The following DIAPH2 variants were observed in gnomAD, a reference collection of about 807,000 sequenced individuals.
DIAPH2 encodes the protein protein diaphanous homolog 2.
DIAPH2 carries 35 observed loss-of-function variants against 92.7 expected under a neutral mutation model. The ratio of observed to expected loss-of-function variants is 0.38; its 90% CI spans 0.29 to 0.50. The LOEUF (loss-of-function observed/expected upper bound fraction) is 0.50, where lower values mean the gene tolerates loss of function less well. Ranked by LOEUF, DIAPH2 falls within the 20% of genes least tolerant of loss-of-function variation. The pLI is 0.94. For synonymous variants in DIAPH2, 301 were observed against 280.4 expected, an observed-to-expected ratio of 1.07 and a Z score of -0.73; for missense variants, 701 against 819.5, an observed-to-expected ratio of 0.86 and a Z score of 1.77.
intron 5 of DIAPH2, among the ~76,000 whole-genome samples, chrX:96,910,223 C>T (rs1377758912): frequency 9.0e-6 from 1 of 110,723 alleles, no homozygotes; most frequent in Non-Finnish European, 1.9e-5. Flanking sequence ...CACTGATTAT[C>T]GAGGCTTTAG....
intron 26 of DIAPH2, among the ~76,000 whole-genome samples, chrX:97,564,137 A>T (rs1476329996): frequency 8.9e-6 from 1 of 112,166 alleles, no homozygotes; most frequent in Non-Finnish European, 1.9e-5. Flanking sequence ...TTGAGTGAGA[A>T]GCTTCAAAGA....
chrX:97,477,511 A>G (rs766283581), intron 26 of DIAPH2, among the ~76,000 whole-genome samples: 39 of 111,261 alleles, frequency 3.5e-4, no homozygotes, highest in African/African-American at 1.2e-3. Context: ...AGGCTGAGGC[A>G]GGAGAATGGC....
chrX:97,463,480 T>G (rs1053638097), intron 26 of DIAPH2, among the ~76,000 whole-genome samples: 2 of 109,734 alleles, frequency 1.8e-5, no homozygotes, highest in African/African-American at 6.6e-5. Flanking sequence ...AACCTCTGCC[T>G]CCCGGGTTCA....
intron 7 of DIAPH2, among the ~76,000 whole-genome samples, chrX:96,913,400 A>T: frequency 8.9e-6 from 1 of 111,920 alleles, no homozygotes; most frequent in Non-Finnish European, 1.9e-5. Context: ...TGTTCAGTTT[A>T]CAAAAGGGTC....
At chrX:97,320,710 G>A (rs1229237488) in intron 23 of DIAPH2, among the ~76,000 whole-genome samples, 94 of 45,056 alleles carry the variant, frequency 2.1e-3, no homozygotes, top group Admixed American at 9.8e-3. Context: ...GCGAGACTCC[G>A]TCTCAAAAAA....
chrX:97,363,957 C>T (rs901961636), intron 24 of DIAPH2, among the ~76,000 whole-genome samples: 1 of 111,858 alleles, frequency 8.9e-6, no homozygotes, highest in Admixed American at 9.5e-5. Flanking sequence ...CAACTGTCAG[C>T]TAGTTGATCT....
chrX:97,031,258 A>G (rs915567982), intron 17 of DIAPH2, among the ~76,000 whole-genome samples: 1 of 103,859 alleles, frequency 9.6e-6, no homozygotes, highest in Non-Finnish European at 2.0e-5. Flanking sequence ...TTGGAGCCTG[A>G]CAAGAGGTCT....
At chrX:97,120,614 GTTTTTTT>G (rs139009030) in intron 21 of DIAPH2, among the ~76,000 whole-genome samples, 82 of 75,825 alleles carry the variant, frequency 1.1e-3, no homozygotes, top group Admixed American at 4.4e-3. Flanking sequence ...TTTTTTGTGG[GTTTTTTT>G]TTTTTTTTTT....
At chrX:96,760,520 A>C (rs1336935304) in intron 4 of DIAPH2, among the ~76,000 whole-genome samples, 20 of 111,107 alleles carry the variant, frequency 1.8e-4, no homozygotes, top group Non-Finnish European at 3.8e-4. Flanking sequence ...AGTGAAATTT[A>C]AACGTAAATC....
At chrX:97,105,088 A>G (rs906537327) in intron 20 of DIAPH2, among the ~76,000 whole-genome samples, 1 of 111,583 alleles carries the variant, frequency 9.0e-6, no homozygotes, top group African/African-American at 3.3e-5. Context: ...CCGAGATTGC[A>G]CCACTGCACT....
intron 22 of DIAPH2, among the ~76,000 whole-genome samples, chrX:97,210,188 G>A (rs879221298): frequency 8.9e-6 from 1 of 111,808 alleles, no homozygotes; most frequent in Non-Finnish European, 1.9e-5. Context: ...ACAGATTAAT[G>A]TTTCAAGATA....
chrX:96,799,576 G>T (rs1370745018), intron 4 of DIAPH2, among the ~76,000 whole-genome samples: 1 of 111,940 alleles, frequency 8.9e-6, no homozygotes, highest in Non-Finnish European at 1.9e-5. Flanking sequence ...TTGGGAGGCT[G>T]AGGCAGGCGG....
intron 8 of DIAPH2, among the ~76,000 whole-genome samples, chrX:96,917,265 C>A (rs763129841): frequency 3.6e-5 from 4 of 111,058 alleles, no homozygotes; most frequent in Admixed American, 1.9e-4. Context: ...GAACACTTTG[C>A]GTGACAGTAA....
intron 25 of DIAPH2, among the ~76,000 whole-genome samples, chrX:97,422,330 A>G (rs955352898): frequency 2.7e-5 from 3 of 111,234 alleles, no homozygotes; most frequent in Non-Finnish European, 5.7e-5. Context: ...ATGAAATTAT[A>G]ATAAAGTGCT....
chrX:96,728,057 GAAA>G, intron 1 of DIAPH2, among the ~76,000 whole-genome samples: 1 of 96,508 alleles, frequency 1.0e-5, no homozygotes, highest in African/African-American at 3.8e-5. Flanking sequence ...AAAAAAAAAA[GAAA>G]AAAAAAAGTA....
intron 26 of DIAPH2, among the ~76,000 whole-genome samples, chrX:97,578,977 A>T (rs2071418643): frequency 1.2e-5 from 1 of 83,635 alleles, no homozygotes; most frequent in African/African-American, 4.3e-5. Flanking sequence ...TTCTTTTGAG[A>T]AGTGTCTGTT....
chrX:97,558,792 T>G (rs2071273946), intron 26 of DIAPH2, among the ~76,000 whole-genome samples: 1 of 112,070 alleles, frequency 8.9e-6, no homozygotes, highest in Non-Finnish European at 1.9e-5. Flanking sequence ...AACAGGCTAC[T>G]TCAAACTCAA....
intron 4 of DIAPH2, among the ~76,000 whole-genome samples, chrX:96,821,055 G>T (rs1464004223): frequency 1.8e-5 from 2 of 111,432 alleles, no homozygotes; most frequent in Admixed American, 1.9e-4. Context: ...AGCCAGTTTG[G>T]GTAGGAAGTA....
intron 23 of DIAPH2, among the ~76,000 whole-genome samples, chrX:97,339,344 A>G (rs1189070133): frequency 4.5e-5 from 5 of 110,101 alleles, no homozygotes; most frequent in Non-Finnish European, 9.5e-5. Context: ...ATGAAACCCC[A>G]TCTCTACTAA....
Sources: allele counts gnomAD v4.1 joint callset (sites outside exome capture counted in the v4.1 genomes callset), GRCh38; gene constraint gnomAD v4.1.1; transcripts MANE v1.5; gene names NCBI Gene and HGNC (gene_info 2026-07-23, HGNC 2026-07-21).